Variants in CEP120 observed in about 807,000 individuals in gnomAD.
CEP120 encodes the protein centrosomal protein of 120 kDa.
Under a neutral mutation model 126.5 loss-of-function variants are expected in CEP120, and 113 were observed. The ratio of observed to expected loss-of-function variants is 0.89; its 90% CI spans 0.77 to 1.04. The LOEUF is 1.04. Ranked by LOEUF, CEP120 falls within the 50% of genes least tolerant of loss-of-function variation. The probability of loss-of-function intolerance (pLI) is 0.00; values close to 1 mark genes in which losing one functional copy is unlikely to be tolerated. For missense variants in CEP120, 1,230 were observed against 1,155.7 expected (o/e 1.06, Z -0.93); for synonymous variants, 400 against 394.3 (o/e 1.01, Z -0.17).
At position 123,382,058 on chromosome 5, in the gene CEP120, A is replaced by C. The variant is rs932235202; in HGVS notation, c.2103+53T>G. The C allele has an allele frequency of 2.5e-6, 3 of 1,214,106 alleles. No homozygotes were observed. The Admixed American group carries it at 5.6e-5, about 23-fold the overall frequency. 75.2% of individuals were successfully genotyped at this position (1,214,106 alleles called of 1,614,324 possible). Reference sequence around the variant, plus strand: ...AGACTGTCTTTAACGCAAATACAAGATATTATCATTAATATTCTTCCTTCT... The same window carrying C: ...AGACTGTCTTTAACGCAAATACAAGCTATTATCATTAATATTCTTCCTTCT... On this transcript the variant is annotated intron_variant, in intron 14 of 19. Coordinates refer to ENST00000306467, the MANE Select transcript of CEP120 (RefSeq NM_001375405.1).
At chr5:123,422,504 T>TAGTC (rs745531668) in intron 1 of CEP120, 1 of 1,535,454 alleles carries the variant, frequency 6.5e-7, no homozygotes, top group Non-Finnish European at 8.7e-7. Flanking sequence ...TTAAGAACTG[T>TAGTC]AGTCCCCTGA....
intron 3 of CEP120, among the ~76,000 whole-genome samples, chr5:123,414,977 A>G (rs1340200902): frequency 1.7e-5 from 1 of 57,202 alleles, no homozygotes; most frequent in Non-Finnish European, 4.0e-5. Flanking sequence ...ATCTCAAAAA[A>G]AAAAAAAAAA....
intron 4 of CEP120, among the ~76,000 whole-genome samples, chr5:123,399,662 G>A (rs762118504): frequency 6.6e-6 from 1 of 152,110 alleles, no homozygotes; most frequent in Admixed American, 6.6e-5. Context: ...AGACAGAAGG[G>A]ACAGTATGTA....
Position 123,390,160 on chromosome 5 carries a change from A to G in CEP120, c.1039-20T>C, listed in dbSNP as rs1449446565. ...TAAAGACTAAAAACAATTTTTAAAT[A>G]AAGTATAATTTGCAAAGAACTTTCC... is the stretch of plus-strand genomic sequence containing the variant. On this transcript the variant is annotated intron_variant, in intron 7 of 19. Coordinates refer to ENST00000306467, the MANE Select transcript of CEP120 (RefSeq NM_001375405.1). 2 of 1,530,406 alleles carry G rather than the reference A, an allele frequency of 1.3e-6. No individual in the cohort carries two copies. The highest frequency in any genetic ancestry group is 1.4e-5 in the African/African-American group (1 of 71,740). The allele number at this position is 1,530,406 out of a possible 1,614,324, so 94.8% of individuals were successfully genotyped here. A position where few individuals can be genotyped will look rare whatever the true frequency, so the allele number is the denominator to read the frequency against.
In CEP120 at chr5:123,372,649, C is replaced by T. The variant is rs747474022; in HGVS notation, c.2481+1G>A. On this transcript the variant is annotated splice_donor_variant, in intron 17 of 19. Coordinates refer to ENST00000306467, the MANE Select transcript of CEP120 (RefSeq NM_001375405.1). LOFTEE classifies it high-confidence loss of function. ...AAACTGCACAAAATTAACATGTGTA[C>T]CTTTTCCAAGGTGAGAAGATTTATT... 1 of 1,611,850 alleles carries T rather than the reference C, an allele frequency of 6.2e-7. No homozygotes were observed. Among genetic ancestry groups the T allele is most frequent in the Non-Finnish European group, 8.5e-7 (1 of 1,178,734 alleles).
At chr5:123,364,468 T>C in intron 18 of CEP120, 28 bp downstream of exon 18, 2 of 1,451,526 alleles carry the variant, frequency 1.4e-6, no homozygotes, top group Non-Finnish European at 9.5e-7. Context: ...GAAAAAGATA[T>C]AAAAAGAATA....
chr5:123,373,600 T>C (rs1180431333), intron 16 of CEP120, among the ~76,000 whole-genome samples: 1 of 152,088 alleles, frequency 6.6e-6, no homozygotes, highest in Non-Finnish European at 1.5e-5. Context: ...CCTCTACTTA[T>C]GGAGAAGGCC....
chr5:123,408,850 C>G (rs1443440711), intron 4 of CEP120, among the ~76,000 whole-genome samples: 3 of 152,168 alleles, frequency 2.0e-5, no homozygotes, highest in Non-Finnish European at 4.4e-5. Flanking sequence ...ACCAATATCT[C>G]TCATGAACAC....
At chr5:123,401,262 T>G in intron 4 of CEP120, 1 of 1,610,652 alleles carries the variant, frequency 6.2e-7, no homozygotes, top group Non-Finnish European at 8.5e-7. Flanking sequence ...CTTGGCCCGC[T>G]GCAGGGCGGC....
At position 123,346,564 on chromosome 5, in the gene CEP120, G is replaced by C; in HGVS notation, c.2916C>G (p.Asp972Glu). 6.2e-7 allele frequency: 1 copy of C among 1,613,482 alleles called. No homozygotes were observed. The highest frequency in any genetic ancestry group is 8.5e-7 in the Non-Finnish European group (1 of 1,179,828). Residue 972 changes from aspartate (D) to glutamate (E), a missense_variant, in exon 20 of 20, where the codon GAC becomes GAG. Transcript: ENST00000306467. ...NHEDRIISEL[D>E]RQIREILAKS... ...TTGCCAAAATCTCTCTGATCTGTCG[G>C]TCGAGTTCACTTATTATTCGATCCT...
intron 3 of CEP120, among the ~76,000 whole-genome samples, chr5:123,414,688 C>T (rs560862213): frequency 5.1e-4 from 78 of 152,136 alleles, no homozygotes; most frequent in Non-Finnish European, 6.3e-4. Flanking sequence ...AAGCAGCGGC[C>T]GGGCGCGGTG....
rs945420507 is a variant in CEP120 at position 123,345,268 on chromosome 5, T to TAATA, written c.*1247_*1250dup. 4 of 152,082 alleles carry TAATA rather than the reference T, an allele frequency of 2.6e-5. No homozygotes were observed. Among genetic ancestry groups the TAATA allele is most frequent in the Non-Finnish European group, 4.4e-5 (3 of 68,004 alleles). The allele number at this position is 152,082 out of a possible 1,614,324, so 9.4% of individuals were successfully genotyped here. Reference sequence around the variant, plus strand: ...ATTTTTTACTAGATTAATACTCTGTTAATAAGGAAAAAATATATAATAAAT... The same window carrying TAATA: ...ATTTTTTACTAGATTAATACTCTGTTAATAAATAAGGAAAAAATATATAATAAAT... On this transcript the variant is annotated 3_prime_UTR_variant, in exon 20 of 20. Transcript: ENST00000306467.
At position 123,422,941 on chromosome 5, in the gene CEP120, G is replaced by A. The variant is rs774559516; in HGVS notation, c.49+9C>T. On this transcript the variant is annotated intron_variant, in intron 1 of 19. Coordinates refer to ENST00000306467, the MANE Select transcript of CEP120 (RefSeq NM_001375405.1). ...CAGCAGTTGCAAAAGCAAGCCTCAG[G>A]CTGCTCACCTTCTAGGATGGACACG... The A allele has an allele frequency of 1.9e-6, 3 of 1,613,744 alleles. No individual in the cohort carries two copies. The highest frequency in any genetic ancestry group is 3.3e-5 in the Admixed American group (2 of 60,026).
At chr5:123,418,789 G>T (rs1774536936) in intron 1 of CEP120, among the ~76,000 whole-genome samples, 1 of 152,038 alleles carries the variant, frequency 6.6e-6, no homozygotes. Context: ...TAGAGACAGG[G>T]TTTTGCCATG....
chr5:123,367,619 C>A lies in CEP120; in HGVS notation c.2482-3025G>T, dbSNP rs149422348. ...AAATTGGATGCTGAACAGGTAAATA[C>A]AATGCAAACATCCCAAAATCCAAAA... On this transcript the variant is annotated intron_variant, in intron 17 of 19. Transcript: ENST00000306467. 1.4e-3 allele frequency among the ~76,000 whole-genome samples: 212 copies of A among 151,774 alleles called. 1 individual carries two copies. The highest frequency in any genetic ancestry group is 4.5e-3 in the African/African-American group (186 of 41,456).
intron 18 of CEP120, among the ~76,000 whole-genome samples, chr5:123,354,798 A>ATT (rs1769456315): frequency 1.3e-5 from 2 of 151,316 alleles, no homozygotes; most frequent in East Asian, 3.9e-4. Flanking sequence ...ATATATTTTT[A>ATT]TTATACTTTA....
chr5:123,360,735 G>T (rs1770015886), intron 18 of CEP120, among the ~76,000 whole-genome samples: 1 of 151,668 alleles, frequency 6.6e-6, no homozygotes, highest in South Asian at 2.1e-4. Context: ...TAAGAAAAGT[G>T]TATGAGGATG....
chr5:123,357,992 T>G (rs1420176435), intron 18 of CEP120, among the ~76,000 whole-genome samples: 2 of 152,118 alleles, frequency 1.3e-5, no homozygotes, highest in Admixed American at 6.6e-5. Flanking sequence ...GCTGAAGAAA[T>G]GAATGTCCCC....
intron 4 of CEP120, among the ~76,000 whole-genome samples, chr5:123,411,944 G>C (rs1277393599): frequency 2.0e-5 from 3 of 152,154 alleles, no homozygotes; most frequent in African/African-American, 7.2e-5. Context: ...AGTATGTGGG[G>C]ACAGGGAGTA....
Sources: allele counts gnomAD v4.1 joint callset (sites outside exome capture counted in the v4.1 genomes callset), GRCh38; gene constraint gnomAD v4.1.1; transcripts MANE v1.5; gene names NCBI Gene and HGNC (gene_info 2026-07-23, HGNC 2026-07-21).